NRXN1: variants seen among roughly 807,000 people sequenced by gnomAD.
The protein encoded by NRXN1 is neurexin-1.
Under a neutral mutation model 150.9 loss-of-function variants are expected in NRXN1, and 39 were observed. The observed-to-expected ratio is 0.26, with a 90% CI of 0.20 to 0.34. The LOEUF (loss-of-function observed/expected upper bound fraction) is 0.34. Among genes scored for constraint, NRXN1 ranks in the 10% least tolerant of loss-of-function variants. The pLI is 1.00. For missense variants in NRXN1, 1,815 were observed against 1,949.9 expected, an observed-to-expected ratio of 0.93 and a Z score of 1.30; for synonymous variants, 924 against 757.0, an observed-to-expected ratio of 1.22 and a Z score of -3.62.
chr2:50,487,416 T>G (rs2090951765), intron 15 of NRXN1, among the ~76,000 whole-genome samples: 1 of 152,198 alleles, frequency 6.6e-6, no homozygotes, highest in South Asian at 2.1e-4. Flanking sequence ...TCATGTGATG[T>G]CAATGGGGGA....
At chr2:50,195,896 T>C (rs924227511) in intron 18 of NRXN1, among the ~76,000 whole-genome samples, 2 of 152,126 alleles carry the variant, frequency 1.3e-5, no homozygotes, top group African/African-American at 4.8e-5. Context: ...AGGTAGAATA[T>C]AATAATAGTA....
intron 5 of NRXN1, among the ~76,000 whole-genome samples, chr2:50,901,212 T>C (rs899603177): frequency 8.6e-5 from 13 of 151,928 alleles, no homozygotes; most frequent in African/African-American, 1.7e-4. Flanking sequence ...TTGAACTGAG[T>C]GAACAGAATG....
intron 5 of NRXN1, among the ~76,000 whole-genome samples, chr2:50,921,256 C>G (rs1052113004): frequency 5.9e-5 from 9 of 151,722 alleles, no homozygotes; most frequent in African/African-American, 2.2e-4. Flanking sequence ...TCAAAGAGTA[C>G]ACATGCCTGA....
intron 17 of NRXN1, among the ~76,000 whole-genome samples, chr2:50,427,914 A>G (rs958301819): frequency 6.6e-6 from 1 of 152,200 alleles, no homozygotes; most frequent in East Asian, 1.9e-4. Flanking sequence ...TTGAAACTTA[A>G]AAGATCAAGT....
At chr2:50,230,988 G>T (rs2064886024) in intron 18 of NRXN1, among the ~76,000 whole-genome samples, 1 of 151,996 alleles carries the variant, frequency 6.6e-6, no homozygotes, top group South Asian at 2.1e-4. Flanking sequence ...TGAAATTGTA[G>T]TAAAATAGGC....
intron 18 of NRXN1, among the ~76,000 whole-genome samples, chr2:50,176,375 C>T (rs1169210685): frequency 2.0e-5 from 3 of 152,110 alleles, no homozygotes; most frequent in Non-Finnish European, 4.4e-5. Flanking sequence ...AAACTCTTTG[C>T]TATTGACATT....
rs562445469 is a variant in NRXN1 at position 50,391,736 on chromosome 2, G to A, written c.3364+73706C>T. On this transcript the variant is annotated intron_variant, in intron 17 of 22. Coordinates refer to ENST00000401669, the MANE Select transcript of NRXN1 (RefSeq NM_001330078.2). ...TCTGAGACTCTCTGTTGGTTACAAAGCTTCTAATTTACACAGAAGAATAAG... is the reference window on the plus strand; with the variant it reads ...TCTGAGACTCTCTGTTGGTTACAAAACTTCTAATTTACACAGAAGAATAAG... Among the ~76,000 whole-genome samples the A allele has an allele frequency of 5.3e-5, 8 of 152,208 alleles. No individual in the cohort carries two copies. The East Asian group carries it at 1.5e-3, about 29-fold the overall frequency.
At chr2:50,430,165 G>A (rs2084845343) in intron 17 of NRXN1, among the ~76,000 whole-genome samples, 1 of 152,074 alleles carries the variant, frequency 6.6e-6, no homozygotes, top group African/African-American at 2.4e-5. Context: ...CTCTATTTTT[G>A]TCATTTTGCC....
chr2:50,198,255 G>GA (rs1457043447), intron 18 of NRXN1, among the ~76,000 whole-genome samples: 14 of 151,956 alleles, frequency 9.2e-5, no homozygotes, highest in Admixed American at 8.5e-4. Flanking sequence ...GTTAGGAAAA[G>GA]AAAAAAACAT....
At chr2:50,275,616 T>C (rs976206618) in intron 17 of NRXN1, among the ~76,000 whole-genome samples, 6 of 152,124 alleles carry the variant, frequency 3.9e-5, no homozygotes, top group African/African-American at 1.2e-4. Flanking sequence ...AATTTGTCTT[T>C]GTCTAACACA....
chr2:49,984,677 G>A (rs927414949), intron 21 of NRXN1, among the ~76,000 whole-genome samples: 1 of 150,970 alleles, frequency 6.6e-6, no homozygotes, highest in Non-Finnish European at 1.5e-5. Context: ...AAAGAATTGT[G>A]GGAAAGATAA....
chr2:50,712,122 T>G (rs1695246721), intron 5 of NRXN1, among the ~76,000 whole-genome samples: 1 of 152,084 alleles, frequency 6.6e-6, no homozygotes, highest in Admixed American at 6.6e-5. Flanking sequence ...TGCTATATAT[T>G]ATGTTAAATC....
chr2:50,129,048 A>C (rs986857096), intron 18 of NRXN1, among the ~76,000 whole-genome samples: 33 of 152,046 alleles, frequency 2.2e-4, no homozygotes, highest in African/African-American at 8.0e-4. Flanking sequence ...AATCAAACGG[A>C]AGCAAACTGA....
intron 17 of NRXN1, among the ~76,000 whole-genome samples, chr2:50,465,104 T>A (rs1266265129): frequency 6.6e-6 from 1 of 151,790 alleles, no homozygotes; most frequent in Non-Finnish European, 1.5e-5. Context: ...TGAAATTAAG[T>A]ATTATTTAAT....
At chr2:50,982,539 T>C (rs1295259755) in intron 2 of NRXN1, among the ~76,000 whole-genome samples, 1 of 152,068 alleles carries the variant, frequency 6.6e-6, no homozygotes, top group Non-Finnish European at 1.5e-5. Flanking sequence ...AGGTGATTCG[T>C]AGATAGGGAG....
At chr2:50,280,679 A>G (rs951791055) in intron 17 of NRXN1, among the ~76,000 whole-genome samples, 6 of 152,216 alleles carry the variant, frequency 3.9e-5, no homozygotes, top group African/African-American at 1.4e-4. Context: ...ATTGGTTAAC[A>G]TTAAATCAGA....
chr2:50,884,447 T>C (rs1054699968), intron 5 of NRXN1, among the ~76,000 whole-genome samples: 2 of 151,788 alleles, frequency 1.3e-5, no homozygotes, highest in African/African-American at 4.8e-5. Flanking sequence ...AAATGTTTGT[T>C]TGTGAGCAAA....
intron 17 of NRXN1, among the ~76,000 whole-genome samples, chr2:50,321,876 C>G (rs1288127550): frequency 6.6e-6 from 1 of 151,952 alleles, no homozygotes; most frequent in African/African-American, 2.4e-5. Flanking sequence ...CCAGATATGA[C>G]ATTAAATGAT....
At chr2:50,789,607 A>C (rs1013729404) in intron 5 of NRXN1, among the ~76,000 whole-genome samples, 1 of 152,238 alleles carries the variant, frequency 6.6e-6, no homozygotes, top group African/African-American at 2.4e-5. Context: ...AAACTGAACA[A>C]ACACGCATTG....
Sources: gnomAD v4.1 joint callset for allele counts (sites outside exome capture counted in the v4.1 genomes callset) on GRCh38, gnomAD v4.1.1 for gene constraint, MANE v1.5 for transcripts, NCBI Gene and HGNC (gene_info 2026-07-23, HGNC 2026-07-21) for gene names.